LGMN: variants seen among roughly 807,000 people sequenced by gnomAD.
The protein encoded by LGMN is legumain.
LGMN carries 36 observed loss-of-function variants against 56.8 expected under a neutral mutation model. The ratio of observed to expected loss-of-function variants is 0.63; its 90% confidence interval spans 0.49 to 0.84. The LOEUF is 0.84. Ranked by LOEUF, LGMN falls within the 40% of genes least tolerant of loss-of-function variation. LGMN has a pLI of 0.00. For synonymous variants in LGMN, 199 were observed against 210.1 expected (o/e 0.95, Z 0.46); for missense variants, 446 against 556.1 (o/e 0.80, Z 1.99).
At chr14:92,746,148 C>T (rs1673906325) in intron 1 of LGMN, among the ~76,000 whole-genome samples, 1 of 152,182 alleles carries the variant, frequency 6.6e-6, no homozygotes, top group South Asian at 2.1e-4. Flanking sequence ...AAACGCTTAT[C>T]ATCTCTTGAT....
At chr14:92,708,856 CAAAAA>C (rs58813848) in intron 11 of LGMN, among the ~76,000 whole-genome samples, 16,063 of 71,630 alleles carry the variant, frequency 0.22, 1,364 homozygotes, top group East Asian at 0.37. Flanking sequence ...ACTCTTGTCT[CAAAAA>C]AAAAAAAAAA....
intron 1 of LGMN, among the ~76,000 whole-genome samples, chr14:92,735,987 A>C (rs1891288175): frequency 6.6e-6 from 1 of 152,180 alleles, no homozygotes; most frequent in Admixed American, 6.5e-5. Context: ...GTCCTGATCC[A>C]GACCTCAACA....
In LGMN at chr14:92,706,721, T is replaced by A. The variant is rs144077393; in HGVS notation, c.1021-68A>T. ...CGGTCTCTCAGGGACCCAGGTGCGG[T>A]GAGAAGTGCATTCAAAGGCTACTCT... On this transcript the variant is annotated intron_variant, in intron 11 of 13. Coordinates refer to ENST00000334869, the MANE Select transcript of LGMN (RefSeq NM_005606.7). 9.6e-4 allele frequency: 1,341 copies of A among 1,394,494 alleles called. 14 individuals are homozygous for A. In the African/African-American group the frequency reaches 0.016, roughly 17 times the overall value. The allele number at this position is 1,394,494 out of a possible 1,614,324, so 86.4% of individuals were successfully genotyped here. A position where few individuals can be genotyped will look rare whatever the true frequency, so the allele number is the denominator to read the frequency against.
intron 4 of LGMN, among the ~76,000 whole-genome samples, 177 bp from the exon 5 acceptor site, chr14:92,716,398 C>T (rs915856867): frequency 2.0e-5 from 3 of 152,248 alleles, no homozygotes; most frequent in East Asian, 1.9e-4. Context: ...TTTGGGAGGC[C>T]GAAGCGGGCG....
At position 92,706,607 on chromosome 14, in the gene LGMN, A is replaced by T; in HGVS notation, c.1067T>A (p.Leu356Gln). ...EKSVRKIVSL[L>Q]AASEAEVEQL... ...CTCCACCTCAGCCTCGGACGCTGCC[A>T]GCAAGGAGACGATCTTACGCACTGA... The change falls in exon 12 of 14, where the codon CTG becomes CAG. Residue 356 changes from leucine to glutamine, a missense_variant. Physicochemically the swap from Leu to Gln is moderately radical, Grantham distance 113 (BLOSUM62 -2). Transcript: ENST00000334869. 1.2e-6 allele frequency: 2 copies of T among 1,602,200 alleles called. No individual in the cohort carries two copies. Among genetic ancestry groups the T allele is most frequent in the Non-Finnish European group, 1.7e-6 (2 of 1,170,420 alleles).
intron 1 of LGMN, among the ~76,000 whole-genome samples, chr14:92,736,353 T>C (rs1891305430): frequency 6.6e-6 from 1 of 152,096 alleles, no homozygotes; most frequent in South Asian, 2.1e-4. Flanking sequence ...CCCAGTACTT[T>C]GGGAGGCTGA....
chr14:92,707,879 C>A (rs777651328), intron 11 of LGMN, among the ~76,000 whole-genome samples: 3 of 152,238 alleles, frequency 2.0e-5, no homozygotes, highest in African/African-American at 7.2e-5. Flanking sequence ...GAGCCAGGTG[C>A]GGTGCCTCAC....
chr14:92,709,799 G>C lies in LGMN; in HGVS notation c.893C>G (p.Pro298Arg), dbSNP rs1803450. 1 of 1,614,030 alleles carries C rather than the reference G, an allele frequency of 6.2e-7. No individual in the cohort carries two copies. Among genetic ancestry groups the C allele is most frequent in the Non-Finnish European group, 8.5e-7 (1 of 1,179,910 alleles). The change falls in exon 11 of 14, where the codon CCA becomes CGA. Residue 298 changes from proline to arginine, a missense_variant. Coordinates refer to ENST00000334869, the MANE Select transcript of LGMN (RefSeq NM_005606.7). Reference sequence around the variant, plus strand: ...GGGGGTGAGGTCAAGGTGTGTGACTGGAGGTAGGGGGACGGGAGAACTGGC... The same window carrying C: ...GGGGGTGAGGTCAAGGTGTGTGACTCGAGGTAGGGGGACGGGAGAACTGGC... The part of the protein sequence containing the change: ...RKASSPVPLP[P>R]VTHLDLTPSP...
At chr14:92,712,714 C>T (rs766477150) in intron 8 of LGMN, 91 bp downstream of exon 8, 2 of 1,257,136 alleles carry the variant, frequency 1.6e-6, no homozygotes, top group Middle Eastern at 1.9e-4. Context: ...CTCAGCAGCC[C>T]CTGCTTACGG....
At chr14:92,735,098 G>GTT in intron 1 of LGMN, among the ~76,000 whole-genome samples, 1 of 152,008 alleles carries the variant, frequency 6.6e-6, no homozygotes, top group South Asian at 2.1e-4. Flanking sequence ...GAAGTGCTGA[G>GTT]TCTTGAAAAG....
At position 92,714,336 on chromosome 14, in the gene LGMN, T is replaced by G; in HGVS notation, c.480+40A>C. Reference sequence around the variant, plus strand: ...ATCTCGACACCTAGGCTTGCTTTTCTGTTCTGCTAGTTTGTCCTTAAAACG... The same window carrying G: ...ATCTCGACACCTAGGCTTGCTTTTCGGTTCTGCTAGTTTGTCCTTAAAACG... On this transcript the variant is annotated intron_variant, in intron 6 of 13. Transcript: ENST00000334869. This position sits in a 1 kb window ranked among gnomAD's most constrained non-coding sequence, Gnocchi z 5.1. 7.3e-7 allele frequency: 1 copy of G among 1,360,820 alleles called. No homozygotes were observed. Among genetic ancestry groups the G allele is most frequent in the Non-Finnish European group, 1.0e-6 (1 of 952,410 alleles). The allele number at this position is 1,360,820 out of a possible 1,614,324, so 84.3% of individuals were successfully genotyped here.
chr14:92,711,900 A>G lies in LGMN; in HGVS notation c.666T>C (p.Asp222=). Residue 222 remains aspartate (D), a synonymous_variant, in exon 9 of 14, where the codon GAT becomes GAC. Coordinates refer to ENST00000334869, the MANE Select transcript of LGMN (RefSeq NM_005606.7). ...CCCCCAGGTACGTGGACCTCTTCTCATCATAGTAACAGGCGTAGGACGACT... is the reference window on the plus strand; with the variant it reads ...CCCCCAGGTACGTGGACCTCTTCTCGTCATAGTAACAGGCGTAGGACGACT... ...PRESSYACYY[D]EKRSTYLGDW... The G allele has an allele frequency of 6.2e-7, 1 of 1,614,154 alleles. No homozygotes were observed. Among genetic ancestry groups the G allele is most frequent in the South Asian group, 1.1e-5 (1 of 91,076 alleles).
Position 92,709,802 on chromosome 14 carries a change from G to T in LGMN, c.890C>A (p.Pro297His), listed in dbSNP as rs1253859888. The change falls in exon 11 of 14, where the codon CCT (proline) becomes CAT (histidine). Residue 297 changes from proline to histidine, a missense_variant. Transcript: ENST00000334869. ...GGTGAGGTCAAGGTGTGTGACTGGA[G>T]GTAGGGGGACGGGAGAACTGGCTTT... The part of the protein sequence containing the change: ...KRKASSPVPL[P>H]PVTHLDLTPS... The T allele has an allele frequency of 3.1e-6, 5 of 1,614,088 alleles. No homozygotes were observed. The highest frequency in any genetic ancestry group is 4.2e-6 in the Non-Finnish European group (5 of 1,179,940).
intron 2 of LGMN, among the ~76,000 whole-genome samples, chr14:92,724,657 T>C (rs1300207133): frequency 1.3e-5 from 2 of 152,206 alleles, no homozygotes. Flanking sequence ...CGCAGAGCCC[T>C]CCGGAATGAC....
At chr14:92,718,201 T>C (rs1030773646) in intron 3 of LGMN, among the ~76,000 whole-genome samples, 22 of 152,166 alleles carry the variant, frequency 1.4e-4, no homozygotes, top group African/African-American at 5.1e-4. Flanking sequence ...AACTCGGCTT[T>C]AGACCCTTTC....
chr14:92,729,357 T>C (rs1890912955), intron 2 of LGMN, among the ~76,000 whole-genome samples: 1 of 148,454 alleles, frequency 6.7e-6, no homozygotes, highest in South Asian at 2.1e-4. Context: ...CAGCTCTCTC[T>C]GATCACCCCA....
intron 12 of LGMN, among the ~76,000 whole-genome samples, chr14:92,705,646 G>A (rs1362717348): frequency 6.6e-6 from 1 of 151,760 alleles, no homozygotes; most frequent in Non-Finnish European, 1.5e-5. Flanking sequence ...CTTTTTTTTG[G>A]AGACAGAGTT....
intron 2 of LGMN, among the ~76,000 whole-genome samples, chr14:92,728,254 G>T (rs929425481): frequency 1.3e-5 from 2 of 152,220 alleles, no homozygotes; most frequent in Non-Finnish European, 2.9e-5. Flanking sequence ...CTAGGCATTA[G>T]TTAGATTCTC....
chr14:92,747,302 C>T (rs1341939406), intron 1 of LGMN, among the ~76,000 whole-genome samples: 1 of 151,892 alleles, frequency 6.6e-6, no homozygotes, highest in African/African-American at 2.4e-5. Flanking sequence ...ACCAGTCTGG[C>T]CAACATGGTG....
Sources: allele counts gnomAD v4.1 joint callset (sites outside exome capture counted in the v4.1 genomes callset), GRCh38; gene constraint gnomAD v4.1.1; non-coding constraint Gnocchi (gnomAD v3.1); transcripts MANE v1.5; gene names NCBI Gene and HGNC (gene_info 2026-07-23, HGNC 2026-07-21).